Variants in DMD observed in about 807,000 individuals in gnomAD.
The protein encoded by DMD is dystrophin.
In DMD, 63 loss-of-function variants were observed where a neutral mutation model predicts 330.1. That is an observed-to-expected ratio of 0.19 (90% confidence interval 0.16 to 0.24). The LOEUF is 0.24. Ranked by LOEUF, DMD falls within the 10% of genes least tolerant of loss-of-function variation. The probability of loss-of-function intolerance (pLI) is 1.00; values close to 1 mark genes in which losing one functional copy is unlikely to be tolerated. For missense variants in DMD, 3,344 were observed against 2,684.1 expected, an observed-to-expected ratio of 1.25 and a Z score of -5.43; for synonymous variants, 1,223 against 959.8, an observed-to-expected ratio of 1.27 and a Z score of -5.07.
At position 31,220,334 on chromosome X, in the gene DMD, C is replaced by G. The variant is rs1414091846; in HGVS notation, c.9361+2713G>C. Reference sequence around the variant, plus strand: ...TCTCTAATTCTCCACTTTTGGTTCACTTTTGAACTCACCACACCACTTCCA... The same window carrying G: ...TCTCTAATTCTCCACTTTTGGTTCAGTTTTGAACTCACCACACCACTTCCA... On this transcript the variant is annotated intron_variant, in intron 64 of 78. Transcript: ENST00000357033. Among the ~76,000 whole-genome samples the G allele has an allele frequency of 2.7e-5, 3 of 111,532 alleles. No individual in the cohort carries two copies. In the Admixed American group the frequency reaches 2.9e-4, roughly 11 times the overall value.
intron 7 of DMD, among the ~76,000 whole-genome samples, chrX:32,768,150 C>T (rs920307015): frequency 1.8e-5 from 2 of 111,561 alleles, no homozygotes; most frequent in Non-Finnish European, 3.8e-5. Context: ...ATTTATAACA[C>T]ACAAAAGAAA....
chrX:31,133,272 T>C (rs774019381), intron 77 of DMD, among the ~76,000 whole-genome samples: 1 of 112,046 alleles, frequency 8.9e-6, no homozygotes, highest in South Asian at 3.8e-4. Flanking sequence ...GCTTTTCTTC[T>C]ATTTGATCAC....
chrX:31,615,199 T>C (rs2078131387), intron 55 of DMD, among the ~76,000 whole-genome samples: 1 of 111,912 alleles, frequency 8.9e-6, no homozygotes, highest in African/African-American at 3.2e-5. Context: ...GGTCAAACTT[T>C]TCCTGACCTT....
At chrX:32,608,404 A>G (rs1415608932) in intron 12 of DMD, among the ~76,000 whole-genome samples, 2 of 110,534 alleles carry the variant, frequency 1.8e-5, no homozygotes, top group African/African-American at 6.5e-5. Flanking sequence ...TTATGTCAAA[A>G]TAATACTACC....
intron 60 of DMD, among the ~76,000 whole-genome samples, chrX:31,436,438 C>T (rs1386244318): frequency 9.1e-6 from 1 of 109,343 alleles, no homozygotes. Flanking sequence ...GTTCATTTAT[C>T]CCCCTGTAGT....
At chrX:32,574,829 C>A (rs772138113) in intron 13 of DMD, among the ~76,000 whole-genome samples, 1 of 110,588 alleles carries the variant, frequency 9.0e-6, no homozygotes, top group East Asian at 2.8e-4. Flanking sequence ...GTGTATTAAC[C>A]CACCTAGAGG....
chrX:32,797,870 C>G (rs2076287316), intron 7 of DMD, among the ~76,000 whole-genome samples: 1 of 111,064 alleles, frequency 9.0e-6, no homozygotes, highest in Admixed American at 9.6e-5. Flanking sequence ...TCTCAGTTAT[C>G]TAGGTAAGAA....
intron 1 of DMD, among the ~76,000 whole-genome samples, chrX:33,279,162 G>A (rs1456085705): frequency 9.0e-6 from 1 of 111,630 alleles, no homozygotes. Context: ...TAAACCACAT[G>A]CTCAGCCATA....
intron 50 of DMD, among the ~76,000 whole-genome samples, chrX:31,800,578 C>G (rs1285094313): frequency 8.9e-6 from 1 of 112,441 alleles, no homozygotes; most frequent in Non-Finnish European, 1.9e-5. Flanking sequence ...ACATCTTCCC[C>G]ATTGTCTTGG....
At position 32,584,826 on chromosome X, in the gene DMD, C is replaced by A. The variant is rs7053175; in HGVS notation, c.1602+10931G>T. 5.5e-3 allele frequency among the ~76,000 whole-genome samples: 617 copies of A among 111,638 alleles called. 7 individuals carry two copies. The highest frequency in any genetic ancestry group is 0.019 in the African/African-American group (585 of 30,732). ...TTCCTGGTTGCTGGTAACATACTAT[C>A]TTTTTCTGGATGTGGAATCATAGTA... On this transcript the variant is annotated intron_variant, in intron 13 of 78. Coordinates refer to ENST00000357033, the MANE Select transcript of DMD (RefSeq NM_004006.3).
chrX:32,863,624 C>G (rs1392718049), intron 2 of DMD, among the ~76,000 whole-genome samples: 2 of 106,701 alleles, frequency 1.9e-5, no homozygotes, highest in Admixed American at 1.0e-4. Context: ...AGACAAACAT[C>G]TATGAGTACT....
At chrX:31,774,331 A>G (rs1030180039) in intron 50 of DMD, 139 bp from the exon 51 acceptor site, 1 of 464,378 alleles carries the variant, frequency 2.2e-6, no homozygotes, top group African/African-American at 2.4e-5. Flanking sequence ...CTTATTCATG[A>G]CATTATATAT....
chrX:33,200,168 C>T (rs1228506897), intron 1 of DMD, among the ~76,000 whole-genome samples: 1 of 111,295 alleles, frequency 9.0e-6, no homozygotes, highest in Non-Finnish European at 1.9e-5. Flanking sequence ...TATTAAAGTA[C>T]TATTATTAAT....
chrX:32,790,511 C>CCT (rs1278730659), intron 7 of DMD, among the ~76,000 whole-genome samples: 7 of 111,525 alleles, frequency 6.3e-5, no homozygotes, highest in African/African-American at 3.3e-5. Flanking sequence ...TGCAACATGG[C>CCT]CTGGTTTTGA....
intron 62 of DMD, among the ~76,000 whole-genome samples, chrX:31,293,216 T>TGTGTGTGTGTGTGTGTGTGGTCTGGTTTA (rs2053885719): frequency 2.1e-5 from 2 of 94,345 alleles, no homozygotes; most frequent in Non-Finnish European, 2.0e-5. Context: ...TGTGTGTGTG[T>TGTGTGTGTGTGTGTGTGTGGTCTGGTTTA]GTGTGTGTGT....
chrX:31,362,881 C>T (rs1280647701), intron 60 of DMD, among the ~76,000 whole-genome samples: 13 of 112,469 alleles, frequency 1.2e-4, no homozygotes, highest in Non-Finnish European at 1.5e-4. Flanking sequence ...ACCCCGGAGG[C>T]GGAGCTTGCA....
Position 33,272,874 on chromosome X carries a change from C to T in DMD, c.7+66385G>A, listed in dbSNP as rs771949729. Among the ~76,000 whole-genome samples the T allele has an allele frequency of 2.4e-4, 27 of 111,132 alleles. No homozygotes were observed. In the East Asian group the frequency reaches 2.8e-3, roughly 12 times the overall value. ...AGCTTTAGTCACTTGCTCTTCCTTG[C>T]GGTAGGCCCTTGGAATATTGACAAA... On this transcript the variant is annotated intron_variant, in intron 1 of 17. Transcript: ENST00000288447.
At chrX:32,327,118 C>A (rs956211286) in intron 41 of DMD, among the ~76,000 whole-genome samples, 4 of 107,627 alleles carry the variant, frequency 3.7e-5, no homozygotes, top group Non-Finnish European at 7.7e-5. Context: ...TCACCTTACT[C>A]GAGGCTGCAG....
chrX:32,586,557 T>C (rs1027984949), intron 13 of DMD, among the ~76,000 whole-genome samples: 5 of 109,992 alleles, frequency 4.5e-5, no homozygotes, highest in African/African-American at 9.9e-5. Context: ...TACAGATAGA[T>C]AGTATTTGCA....
Sources: gnomAD v4.1 joint callset for allele counts (sites outside exome capture counted in the v4.1 genomes callset) on GRCh38, gnomAD v4.1.1 for gene constraint, MANE v1.5 for transcripts, NCBI Gene and HGNC (gene_info 2026-07-23, HGNC 2026-07-21) for gene names.